PCDHA1: variants seen among roughly 807,000 people sequenced by gnomAD.
PCDHA1 encodes protocadherin alpha-1.
In PCDHA1, 42 loss-of-function variants were observed where a neutral mutation model predicts 61.3. That is an observed-to-expected ratio of 0.69 (90% CI 0.54 to 0.89). The LOEUF (loss-of-function observed/expected upper bound fraction) is 0.89. Ranked by LOEUF, PCDHA1 falls within the 40% of genes least tolerant of loss-of-function variation. The probability of loss-of-function intolerance (pLI) is 0.00; values close to 1 mark genes in which losing one functional copy is unlikely to be tolerated. For synonymous variants in PCDHA1, 610 were observed against 553.8 expected, an observed-to-expected ratio of 1.10 and a Z score of -1.43; for missense variants, 1,256 against 1,235.3, an observed-to-expected ratio of 1.02 and a Z score of -0.25.
chr5:140,861,804 T>C (rs36095340), intron 1 of PCDHA1: 19,400 of 158,354 alleles, frequency 0.12, 1,289 homozygotes, highest in Middle Eastern at 0.19. Flanking sequence ...AGGTGTATTT[T>C]AAAAATTCTT....
chr5:140,958,079 T>C (rs182718226), intron 1 of PCDHA1, among the ~76,000 whole-genome samples: 1 of 152,202 alleles, frequency 6.6e-6, no homozygotes, highest in East Asian at 1.9e-4. Context: ...AAGCAAAAAG[T>C]AAAGTTGTAC....
chr5:141,000,391 C>CTATA (rs2097912428), intron 3 of PCDHA1, among the ~76,000 whole-genome samples: 2 of 56,664 alleles, frequency 3.5e-5, no homozygotes, highest in Non-Finnish European at 6.1e-5. Context: ...CTCTCTCTCT[C>CTATA]TCTCTATATA....
At chr5:140,948,860 T>C (rs2094315023) in intron 1 of PCDHA1, among the ~76,000 whole-genome samples, 2 of 151,640 alleles carry the variant, frequency 1.3e-5, no homozygotes, top group Non-Finnish European at 3.0e-5. Flanking sequence ...CTTCTTATAT[T>C]ACTTCGGGTT....
chr5:140,865,891 G>T (rs2153226953), intron 1 of PCDHA1: 1 of 152,240 alleles, frequency 6.6e-6, no homozygotes, highest in African/African-American at 2.4e-5. Context: ...AGCACAAATT[G>T]TGTACAGGCA....
At chr5:140,831,815 T>A (rs1475150566) in intron 1 of PCDHA1, among the ~76,000 whole-genome samples, 1 of 152,196 alleles carries the variant, frequency 6.6e-6, no homozygotes, top group Non-Finnish European at 1.5e-5. Context: ...AAAGTTGGAA[T>A]GATAAACACT....
chr5:140,883,263 G>T (rs562257406), intron 1 of PCDHA1: 2 of 1,613,988 alleles, frequency 1.2e-6, no homozygotes, highest in Admixed American at 1.7e-5. Flanking sequence ...CCAATGGCGG[G>T]TCATTGTACC....
intron 3 of PCDHA1, among the ~76,000 whole-genome samples, chr5:141,000,771 G>A (rs1318485268): frequency 2.0e-5 from 3 of 151,790 alleles, no homozygotes; most frequent in Non-Finnish European, 4.4e-5. Context: ...GCCAGGCATA[G>A]TGGCGCACAC....
At chr5:140,906,753 T>G (rs2072907402) in intron 1 of PCDHA1, among the ~76,000 whole-genome samples, 1 of 152,224 alleles carries the variant, frequency 6.6e-6, no homozygotes, top group Non-Finnish European at 1.5e-5. Context: ...CAGGGCATGG[T>G]AATACTAAGA....
chr5:140,939,501 G>A (rs1270789150), intron 1 of PCDHA1, among the ~76,000 whole-genome samples: 1 of 150,708 alleles, frequency 6.6e-6, no homozygotes. Context: ...TAAATTCAAT[G>A]TCTATAACAT....
At chr5:140,861,466 TG>T in intron 1 of PCDHA1, 1 of 493,934 alleles carries the variant, frequency 2.0e-6, no homozygotes, top group Admixed American at 2.1e-5. Flanking sequence ...GAGGTAAATC[TG>T]CAGAATGGCA....
chr5:140,876,081 G>A (rs568872116), intron 1 of PCDHA1: 1 of 1,613,944 alleles, frequency 6.2e-7, no homozygotes, highest in African/African-American at 1.3e-5. Flanking sequence ...TGGACAGAGA[G>A]CAAACGCCAA....
Position 140,883,664 on chromosome 5 carries a change from G to A in PCDHA1, c.2394+94980G>A, listed in dbSNP as rs200846533. The A allele has an allele frequency of 6.7e-5, 108 of 1,613,836 alleles. No individual in the cohort carries two copies. Among genetic ancestry groups the A allele is most frequent in the Non-Finnish European group, 8.9e-5 (105 of 1,179,872 alleles). On this transcript the variant is annotated intron_variant, in intron 1 of 3. Transcript: ENST00000504120. ...GCCCGAGTACACGGTGTTCGTGAAG[G>A]AAAACAATCCGCCGGGCTGCCACAT... is the stretch of plus-strand genomic sequence containing the variant.
chr5:140,807,737 C>T (rs3822346), intron 1 of PCDHA1: 868,815 of 1,613,860 alleles, frequency 0.54, 235,594 homozygotes, highest in African/African-American at 0.7. Flanking sequence ...GGAAAAACCA[C>T]CTGATGACGA....
At chr5:140,985,348 A>G (rs1197077354) in intron 3 of PCDHA1, among the ~76,000 whole-genome samples, 2 of 152,190 alleles carry the variant, frequency 1.3e-5, no homozygotes, top group Non-Finnish European at 2.9e-5. Context: ...AGGCCCAGAT[A>G]TAGACCCTCT....
chr5:140,940,158 C>T (rs1159450232), intron 1 of PCDHA1, among the ~76,000 whole-genome samples: 3 of 151,970 alleles, frequency 2.0e-5, no homozygotes, highest in African/African-American at 7.3e-5. Context: ...TTTTTGTTTG[C>T]CTGAAATGTC....
intron 1 of PCDHA1, among the ~76,000 whole-genome samples, chr5:140,973,634 C>T (rs2096596343): frequency 6.6e-6 from 1 of 152,220 alleles, no homozygotes; most frequent in African/African-American, 2.4e-5. Flanking sequence ...ATCTTGTACA[C>T]ATTCTGACTG....
In PCDHA1 at chr5:141,010,369, G is replaced by A. The variant is rs963959073; in HGVS notation, c.*432G>A. The A allele has an allele frequency of 1.8e-4, 270 of 1,474,338 alleles. No homozygotes were observed. The highest frequency in any genetic ancestry group is 7.1e-5 in the Non-Finnish European group (79 of 1,109,414). 91.3% of individuals were successfully genotyped at this position (1,474,338 alleles called of 1,614,324 possible). On this transcript the variant is annotated 3_prime_UTR_variant, in exon 4 of 4. Transcript: ENST00000504120. ...GTATGTGTGGCTACCGCGGGTATGCGAGTGCCAGATATTGGCTGAGACGAG... is the reference window on the plus strand; with the variant it reads ...GTATGTGTGGCTACCGCGGGTATGCAAGTGCCAGATATTGGCTGAGACGAG...
chr5:140,808,241 T>C, intron 1 of PCDHA1: 9 of 1,614,244 alleles, frequency 5.6e-6, no homozygotes, highest in Non-Finnish European at 7.6e-6. Flanking sequence ...AGATTTGGAA[T>C]TCAAGTCTTT....
intron 1 of PCDHA1, chr5:140,969,583 A>G: frequency 1.1e-6 from 1 of 914,068 alleles, no homozygotes; most frequent in Admixed American, 3.0e-5. Context: ...AGTGAGGATT[A>G]GTCTTAATAT....
Sources: allele counts gnomAD v4.1 joint callset (sites outside exome capture counted in the v4.1 genomes callset), GRCh38; gene constraint gnomAD v4.1.1; transcripts MANE v1.5; gene names NCBI Gene and HGNC (gene_info 2026-07-23, HGNC 2026-07-21).